The following HRH1 variants were observed in gnomAD, a reference collection of about 807,000 sequenced individuals.
The protein encoded by HRH1 is histamine receptor H1, also known as histamine H1 receptor.
HRH1 carries 6 observed loss-of-function variants against 10.3 expected under a neutral mutation model. The ratio of observed to expected loss-of-function variants is 0.58; its 90% CI spans 0.32 to 1.15. The LOEUF (loss-of-function observed/expected upper bound fraction) is 1.15. Among genes scored for constraint, HRH1 ranks in the 50% most tolerant of loss-of-function variants. The pLI is 0.05. For synonymous variants in HRH1, 242 were observed against 236.7 expected, an observed-to-expected ratio of 1.02 and a Z score of -0.21; for missense variants, 514 against 615.3, an observed-to-expected ratio of 0.84 and a Z score of 1.74.
At chr3:11,236,535 C>T (rs1039886461) in intron 1 of HRH1, among the ~76,000 whole-genome samples, 1 of 152,178 alleles carries the variant, frequency 6.6e-6, no homozygotes, top group African/African-American at 2.4e-5. Flanking sequence ...CGGTGGCTAT[C>T]ATAATATCTG....
chr3:11,216,493 C>T (rs11926299), intron 1 of HRH1, among the ~76,000 whole-genome samples: 2,128 of 152,186 alleles, frequency 0.014, 51 homozygotes, highest in African/African-American at 0.049. Flanking sequence ...AACCTGAGGA[C>T]GTTATGCTAA....
intron 1 of HRH1, among the ~76,000 whole-genome samples, chr3:11,242,161 C>G (rs1050162657): frequency 6.6e-6 from 1 of 152,078 alleles, no homozygotes; most frequent in Non-Finnish European, 1.5e-5. Flanking sequence ...TTGCTGCTCA[C>G]TCTTTGGGTC....
At chr3:11,223,356 G>A (rs545060658) in intron 1 of HRH1, among the ~76,000 whole-genome samples, 3 of 152,010 alleles carry the variant, frequency 2.0e-5, no homozygotes, top group Admixed American at 6.5e-5. Flanking sequence ...AAAATCAGCC[G>A]GGGGTGGTGG....
chr3:11,243,836 T>C (rs1262096262), intron 1 of HRH1, among the ~76,000 whole-genome samples: 4 of 152,258 alleles, frequency 2.6e-5, no homozygotes, highest in African/African-American at 9.6e-5. Context: ...GCTGTCCAGC[T>C]ACCTGCCTTG....
intron 1 of HRH1, among the ~76,000 whole-genome samples, chr3:11,185,029 G>A (rs1411350720): frequency 3.9e-5 from 5 of 129,380 alleles, no homozygotes; most frequent in Admixed American, 9.0e-5. Context: ...AAAATGAACA[G>A]TACTAATTTA....
chr3:11,254,331 A>C (rs984082929), intron 1 of HRH1, among the ~76,000 whole-genome samples: 30 of 152,192 alleles, frequency 2.0e-4, no homozygotes, highest in Non-Finnish European at 2.9e-5. Context: ...TAGCATAGGC[A>C]GGTTGGTATA....
intron 1 of HRH1, among the ~76,000 whole-genome samples, chr3:11,214,892 C>T (rs940989964): frequency 2.6e-5 from 4 of 152,190 alleles, no homozygotes; most frequent in African/African-American, 9.7e-5. Context: ...TGATATCAGC[C>T]ATGGGTTTAG....
At chr3:11,182,087 A>AGG (rs1937366468) in intron 1 of HRH1, among the ~76,000 whole-genome samples, 2 of 151,982 alleles carry the variant, frequency 1.3e-5, no homozygotes, top group Non-Finnish European at 2.9e-5. Context: ...GGTTCAAGCA[A>AGG]TTCTCCTGCC....
chr3:11,248,104 A>T (rs1280472187), intron 1 of HRH1, among the ~76,000 whole-genome samples: 2 of 152,142 alleles, frequency 1.3e-5, no homozygotes, highest in East Asian at 3.9e-4. Context: ...TGTTATTAGG[A>T]ATAAAAGTAC....
At chr3:11,181,199 C>T (rs1937345659) in intron 1 of HRH1, among the ~76,000 whole-genome samples, 1 of 152,142 alleles carries the variant, frequency 6.6e-6, no homozygotes, top group Non-Finnish European at 1.5e-5. Context: ...GCAGGAGGAT[C>T]TCCTGATCCC....
chr3:11,197,861 A>G (rs1937727274), intron 1 of HRH1, among the ~76,000 whole-genome samples: 1 of 152,188 alleles, frequency 6.6e-6, no homozygotes, highest in Non-Finnish European at 1.5e-5. Context: ...AGGAAAGACC[A>G]CATTTGGCAG....
chr3:11,218,646 G>A (rs1938595406), intron 1 of HRH1, among the ~76,000 whole-genome samples: 1 of 151,968 alleles, frequency 6.6e-6, no homozygotes, highest in African/African-American at 2.4e-5. Context: ...CATGATCTCG[G>A]CTCACTGCAG....
chr3:11,252,731 T>C (rs200550552), intron 1 of HRH1: 1 of 152,232 alleles, frequency 6.6e-6, no homozygotes, highest in African/African-American at 2.4e-5. Flanking sequence ...ACATACAGGA[T>C]TTAAGAAGCC....
upstream of HRH1, among the ~76,000 whole-genome samples, chr3:11,151,930 T>C (rs1037148934): frequency 6.6e-6 from 1 of 152,182 alleles, no homozygotes; most frequent in Admixed American, 6.5e-5. Flanking sequence ...GTATTTTTAA[T>C]CTACTTATTT....
intron 1 of HRH1, among the ~76,000 whole-genome samples, chr3:11,208,415 G>A (rs1038041722): frequency 6.6e-6 from 1 of 152,116 alleles, no homozygotes; most frequent in Non-Finnish European, 1.5e-5. Flanking sequence ...GCCTCCCAAA[G>A]TGCTGGAATT....
chr3:11,169,414 G>A (rs1159304158), intron 1 of HRH1, among the ~76,000 whole-genome samples: 1 of 152,144 alleles, frequency 6.6e-6, no homozygotes, highest in African/African-American at 2.4e-5. Flanking sequence ...GGGGGAAGTA[G>A]GAGAGGTCTG....
intron 1 of HRH1, among the ~76,000 whole-genome samples, chr3:11,202,837 A>G (rs1001776901): frequency 2.0e-4 from 31 of 152,184 alleles, no homozygotes; most frequent in Non-Finnish European, 3.1e-4. Flanking sequence ...GGACAAATGG[A>G]TAATATGTAT....
At chr3:11,160,810 C>A (rs1337177739) in intron 1 of HRH1, among the ~76,000 whole-genome samples, 3 of 152,192 alleles carry the variant, frequency 2.0e-5, no homozygotes, top group Non-Finnish European at 4.4e-5. Flanking sequence ...GAACCATCTG[C>A]CAATTCTAAT....
At chr3:11,217,054 G>C (rs1385014558) in intron 1 of HRH1, among the ~76,000 whole-genome samples, 2 of 151,296 alleles carry the variant, frequency 1.3e-5, no homozygotes, top group African/African-American at 2.4e-5. Context: ...GGCTTGGTGA[G>C]GTACGCCTGT....
Sources: allele counts gnomAD v4.1 joint callset (sites outside exome capture counted in the v4.1 genomes callset), GRCh38; gene constraint gnomAD v4.1.1; transcripts MANE v1.5; gene names NCBI Gene and HGNC (gene_info 2026-07-23, HGNC 2026-07-21).